CCNF: variants seen among roughly 807,000 people sequenced by gnomAD.
The protein encoded by CCNF is cyclin-F.
A neutral mutation model predicts 85.4 loss-of-function variants in CCNF; 30 were observed. The observed-to-expected ratio is 0.35, with a 90% CI of 0.26 to 0.48. The LOEUF (loss-of-function observed/expected upper bound fraction) is 0.48, where lower values mean the gene tolerates loss of function less well. CCNF is among the 20% of genes least tolerant of loss of function. CCNF has a pLI of 0.99. For synonymous variants in CCNF, 439 were observed against 425.1 expected (o/e 1.03, Z -0.40); for missense variants, 919 against 1,010.4 (o/e 0.91, Z 1.23).
intron 8 of CCNF, among the ~76,000 whole-genome samples, chr16:2,443,068 ATATT>A (rs1185466887): frequency 4.1e-5 from 4 of 97,576 alleles, no homozygotes; most frequent in African/African-American, 9.1e-5. Context: ...TCTATAATAT[ATATT>A]ATAGATATAT....
At chr16:2,449,113 A>G (rs1478464121) in intron 11 of CCNF, 135 bp downstream of exon 11, 1 of 1,469,742 alleles carries the variant, frequency 6.8e-7, no homozygotes, top group South Asian at 1.1e-5. Flanking sequence ...GCCCAAAGCC[A>G]TGGAGCAGGA....
chr16:2,454,524 C>T (rs1173205174), intron 15 of CCNF, among the ~76,000 whole-genome samples: 2 of 152,232 alleles, frequency 1.3e-5, no homozygotes, highest in African/African-American at 4.8e-5. Context: ...GACAGACCCC[C>T]ACGGGTGACA....
In CCNF at chr16:2,453,425, C is replaced by T. The variant is rs752075387; in HGVS notation, c.1603C>T (p.Gln535Ter). Residue 535 changes from glutamine to a stop codon, truncating the protein, a stop_gained, in exon 15 of 17, where the codon CAG becomes TAG. Transcript: ENST00000397066. LOFTEE classifies it high-confidence loss of function. The surrounding 1 kb of genome is among the most constrained non-coding windows in gnomAD (Gnocchi z 5.6). Reference sequence around the variant, plus strand: ...TTCCCCTCAGGTGCTGAGCTACAGCCAGTTGTGTGCTGCATTAGGAGTGAC... The same window carrying T: ...TTCCCCTCAGGTGCTGAGCTACAGCTAGTTGTGTGCTGCATTAGGAGTGAC... ...ISQEEVLSYSQLCAALGVTQD... is the reference protein window; with the variant it reads ...ISQEEVLSYS 6.2e-7 allele frequency: 1 copy of T among 1,614,022 alleles called. No homozygotes were observed. The highest frequency in any genetic ancestry group is 1.7e-5 in the Admixed American group (1 of 60,022).
At chr16:2,440,500 CAGG>C (rs2065315363) in intron 8 of CCNF, among the ~76,000 whole-genome samples, 1 of 151,900 alleles carries the variant, frequency 6.6e-6, no homozygotes, top group African/African-American at 2.4e-5. Context: ...ACCTGATACT[CAGG>C]AAGTTGAGGC....
At position 2,453,133 on chromosome 16, in the gene CCNF, T is replaced by C. The variant is rs1413568366; in HGVS notation, c.1488-77T>C. 7 of 1,249,024 alleles carry C rather than the reference T, an allele frequency of 5.6e-6. No homozygotes were observed. The highest frequency in any genetic ancestry group is 3.6e-5 in the South Asian group (3 of 83,040). The allele number at this position is 1,249,024 out of a possible 1,614,324, so 77.4% of individuals were successfully genotyped here. A position where few individuals can be genotyped will look rare whatever the true frequency, so the allele number is the denominator to read the frequency against. On this transcript the variant is annotated intron_variant, in intron 13 of 16. Transcript: ENST00000397066. This position sits in a 1 kb window ranked among gnomAD's most constrained non-coding sequence, Gnocchi z 5.6. Reference sequence around the variant, plus strand: ...TGACTGCACCATTTTGCATTCTCATTGCTCACTTCAGTGAACTGAAGCTAA... The same window carrying C: ...TGACTGCACCATTTTGCATTCTCATCGCTCACTTCAGTGAACTGAAGCTAA...
In CCNF at chr16:2,456,764, ACTC is replaced by A; in HGVS notation, c.2110_2112del (p.Ser704del). 1 of 1,612,756 alleles carries A rather than the reference ACTC, an allele frequency of 6.2e-7. No homozygotes were observed. Among genetic ancestry groups the A allele is most frequent in the Non-Finnish European group, 8.5e-7 (1 of 1,179,400 alleles). On this transcript the variant is annotated inframe_deletion, in exon 17 of 17. Coordinates refer to ENST00000397066, the MANE Select transcript of CCNF (RefSeq NM_001761.3). The surrounding 1 kb of genome is among the most constrained non-coding windows in gnomAD (Gnocchi z 4.5). ...GGGAAGGACGTCACGACCTCAGGGT[ACTC>A]CTCCGTCAGCACCGCAAGTCCCACA...
At chr16:2,445,726 G>GTTTTTTTTTTTTTTTT in intron 10 of CCNF, 104 bp downstream of exon 10, 1 of 835,018 alleles carries the variant, frequency 1.2e-6, no homozygotes, top group Non-Finnish European at 1.7e-6. Flanking sequence ...TTTGTTTTGT[G>GTTTTTTTTTTTTTTTT]TTGTTTTTTT....
intron 4 of CCNF, chr16:2,436,087 C>A: frequency 2.2e-6 from 1 of 451,898 alleles, no homozygotes; most frequent in East Asian, 3.5e-5. Context: ...AAAGTCGCCT[C>A]TTGTTTTAGC....
Position 2,453,424 on chromosome 16 carries a change from C to G in CCNF, c.1602C>G (p.Ser534Arg), listed in dbSNP as rs1324116569. Reference protein sequence around the residue: ...EISQEEVLSYSQLCAALGVTQ... With the variant: ...EISQEEVLSYRQLCAALGVTQ... ...CTTCCCCTCAGGTGCTGAGCTACAG[C>G]CAGTTGTGTGCTGCATTAGGAGTGA... The change falls in exon 15 of 17, where the codon AGC (serine) becomes AGG (arginine). Residue 534 changes from serine (S) to arginine (R), a missense_variant. This residue lies in a region of CCNF where 505 missense variants were observed against 514.8 expected (regional missense o/e 0.98). Transcript: ENST00000397066. The surrounding 1 kb of genome is among the most constrained non-coding windows in gnomAD (Gnocchi z 5.6). 3.7e-6 allele frequency: 6 copies of G among 1,613,874 alleles called. No homozygotes were observed. Among genetic ancestry groups the G allele is most frequent in the Non-Finnish European group, 5.1e-6 (6 of 1,180,004 alleles).
chr16:2,439,716 T>C, intron 7 of CCNF, 33 bp from the exon 8 acceptor site: 1 of 1,590,560 alleles, frequency 6.3e-7, no homozygotes, highest in Non-Finnish European at 8.6e-7. Context: ...CAAGACACAG[T>C]TGTACAAAGG....
Position 2,457,028 on chromosome 16 carries a change from A to C in CCNF, c.*8A>C, listed in dbSNP as rs376761785. ...GGCCTTGTGAGGCTGTAAGTGTGTCAGCACATTTGCCGCAGTGGATGTGTA... is the reference window on the plus strand; with the variant it reads ...GGCCTTGTGAGGCTGTAAGTGTGTCCGCACATTTGCCGCAGTGGATGTGTA... On this transcript the variant is annotated 3_prime_UTR_variant, in exon 17 of 17. Transcript: ENST00000397066. 5.5e-5 allele frequency: 86 copies of C among 1,565,674 alleles called. No homozygotes were observed. In the African/African-American group the frequency reaches 1.1e-3, roughly 21 times the overall value.
At chr16:2,439,531 G>T in intron 7 of CCNF, 74 bp downstream of exon 7, 1 of 1,191,356 alleles carries the variant, frequency 8.4e-7, no homozygotes, top group Non-Finnish European at 1.2e-6. Flanking sequence ...CCTTGGATGC[G>T]TTTCTGTCCA....
intron 3 of CCNF, among the ~76,000 whole-genome samples, chr16:2,434,613 A>G (rs1282673791): frequency 1.3e-5 from 2 of 152,250 alleles, no homozygotes; most frequent in African/African-American, 4.8e-5. Flanking sequence ...TCCGTCTCAA[A>G]ATAAATAAAT....
In CCNF at chr16:2,449,404, C is replaced by T. The variant is rs777340745; in HGVS notation, c.1341C>T (p.Tyr447=). ...LSLLHTSLSA[Y]APARLAAAAL... is the part of the protein sequence containing the mutation. ...TGCTGCACACCAGCCTGTCCGCCTA[C>T]GCCCCAGCCCGCCTGGCTGCCGCAG... The change falls in exon 12 of 17, where the codon TAC becomes TAT. Residue 447 remains tyrosine (Y), a synonymous_variant. Transcript: ENST00000397066. The T allele has an allele frequency of 5.0e-5, 81 of 1,611,248 alleles. No individual in the cohort carries two copies. Among genetic ancestry groups the T allele is most frequent in the African/African-American group, 2.4e-4 (18 of 74,946 alleles).
intron 4 of CCNF, 135 bp from the exon 5 acceptor site, chr16:2,436,994 T>C: frequency 3.5e-6 from 2 of 579,490 alleles, no homozygotes; most frequent in South Asian, 3.0e-5. Context: ...CCTGGAGGGC[T>C]CTACTCTCCT....
Position 2,452,609 on chromosome 16 carries a change from G to A in CCNF, c.1488-601G>A, listed in dbSNP as rs1477665404. On this transcript the variant is annotated intron_variant, in intron 13 of 16. Coordinates refer to ENST00000397066, the MANE Select transcript of CCNF (RefSeq NM_001761.3). This position sits in a 1 kb window ranked among gnomAD's most constrained non-coding sequence, Gnocchi z 4.1. ...GATTTAACGGGCTTTTATTCACACA[G>A]TTGTGCTTGTCATCACAACAATCAA... The A allele has an allele frequency of 6.5e-6, 1 of 152,944 alleles. No individual in the cohort carries two copies. Among genetic ancestry groups the A allele is most frequent in the Admixed American group, 6.5e-5 (1 of 15,380 alleles). The allele number at this position is 152,944 out of a possible 1,614,324, so 9.5% of individuals were successfully genotyped here.
At chr16:2,436,932 C>T in intron 4 of CCNF, 197 bp from the exon 5 acceptor site, 1 of 428,698 alleles carries the variant, frequency 2.3e-6, no homozygotes, top group Admixed American at 4.1e-5. Flanking sequence ...CACAATGACC[C>T]ACCTGTTCTA....
chr16:2,455,995 G>T (rs768572360), intron 16 of CCNF, among the ~76,000 whole-genome samples: 3 of 152,222 alleles, frequency 2.0e-5, no homozygotes, highest in Non-Finnish European at 4.4e-5. Flanking sequence ...GACACAGCAA[G>T]ACAAAAAATT....
intron 2 of CCNF, 32 bp from the exon 3 acceptor site, chr16:2,432,929 A>T: frequency 2.1e-6 from 3 of 1,420,852 alleles, no homozygotes; most frequent in Non-Finnish European, 3.0e-6. Context: ...TGGTGCCTCC[A>T]TCACCCAGCC....
Sources: gnomAD v4.1 joint callset for allele counts (sites outside exome capture counted in the v4.1 genomes callset) on GRCh38, gnomAD v4.1.1 for gene constraint, gnomAD v4.1.1 regional missense constraint, Gnocchi (gnomAD v3.1) non-coding constraint, MANE v1.5 for transcripts, NCBI Gene and HGNC (gene_info 2026-07-23, HGNC 2026-07-21) for gene names.